The following NRG3 variants were observed in gnomAD, a reference collection of about 807,000 sequenced individuals.
NRG3 encodes the protein neuregulin 3, also known as pro-neuregulin-3, membrane-bound isoform.
NRG3 carries 31 observed loss-of-function variants against 66.9 expected under a neutral mutation model. That is an observed-to-expected ratio of 0.46 (90% CI 0.35 to 0.63). The LOEUF is 0.63. NRG3 is among the 20% of genes least tolerant of loss of function. NRG3 has a pLI of 0.00. For synonymous variants in NRG3, 393 were observed against 359.4 expected (o/e 1.09, Z -1.06); for missense variants, 910 against 878.9 (o/e 1.04, Z -0.45).
chr10:82,091,129 C>A (rs534810887), intron 1 of NRG3, among the ~76,000 whole-genome samples: 1 of 151,824 alleles, frequency 6.6e-6, no homozygotes, highest in Non-Finnish European at 1.5e-5. Context: ...TCATTGTAAC[C>A]TTTTAAAAAT....
At chr10:82,125,788 T>A (rs1247484925) in intron 1 of NRG3, among the ~76,000 whole-genome samples, 1 of 152,020 alleles carries the variant, frequency 6.6e-6, no homozygotes, top group Non-Finnish European at 1.5e-5. Flanking sequence ...GCTTATATAT[T>A]CTGAATACTG....
chr10:82,225,816 A>G (rs905250354), intron 1 of NRG3, among the ~76,000 whole-genome samples: 2 of 152,152 alleles, frequency 1.3e-5, no homozygotes, highest in African/African-American at 4.8e-5. Context: ...TTTGAGAGAA[A>G]GTTTGTATAT....
At chr10:82,285,615 A>C (rs976949680) in intron 1 of NRG3, among the ~76,000 whole-genome samples, 1 of 152,188 alleles carries the variant, frequency 6.6e-6, no homozygotes, top group African/African-American at 2.4e-5. Flanking sequence ...TTCTTGTCAC[A>C]TGAAAGTACA....
At chr10:82,511,574 G>T (rs1209553289) in intron 2 of NRG3, among the ~76,000 whole-genome samples, 1 of 152,140 alleles carries the variant, frequency 6.6e-6, no homozygotes, top group African/African-American at 2.4e-5. Context: ...GATGTGGTGG[G>T]GAAGAGTGGC....
At chr10:82,458,615 C>A (rs1247641924) in intron 2 of NRG3, among the ~76,000 whole-genome samples, 2 of 152,154 alleles carry the variant, frequency 1.3e-5, no homozygotes, top group African/African-American at 4.8e-5. Flanking sequence ...CTCTGTCTCT[C>A]AAGAAGGACA....
chr10:82,552,731 T>A (rs558529039), intron 2 of NRG3, among the ~76,000 whole-genome samples: 1 of 152,166 alleles, frequency 6.6e-6, no homozygotes, highest in African/African-American at 2.4e-5. Flanking sequence ...TTTTGTCTCC[T>A]ATAGCAAAAA....
At chr10:81,889,191 T>G (rs931465054) in intron 1 of NRG3, 8 of 152,242 alleles carry the variant, frequency 5.3e-5, no homozygotes, top group African/African-American at 1.7e-4. Flanking sequence ...TGTCTTTAGG[T>G]TTTTCAGAGG....
At chr10:82,347,748 C>T (rs1407173840) in intron 1 of NRG3, among the ~76,000 whole-genome samples, 1 of 152,178 alleles carries the variant, frequency 6.6e-6, no homozygotes, top group Non-Finnish European at 1.5e-5. Context: ...AATCTGAATG[C>T]TCCTGTATTG....
chr10:82,983,485 C>T (rs1308772802), intron 8 of NRG3, among the ~76,000 whole-genome samples: 1 of 152,006 alleles, frequency 6.6e-6, no homozygotes, highest in East Asian at 1.9e-4. Flanking sequence ...TTTCTGGTTC[C>T]CCTTAGGATA....
At chr10:81,998,962 G>A (rs917813520) in intron 1 of NRG3, among the ~76,000 whole-genome samples, 4 of 151,984 alleles carry the variant, frequency 2.6e-5, no homozygotes, top group African/African-American at 7.2e-5. Context: ...GATTACAGGC[G>A]CCCACTGATT....
intron 2 of NRG3, among the ~76,000 whole-genome samples, chr10:82,491,627 TTAAC>T (rs1469269955): frequency 6.6e-6 from 1 of 152,090 alleles, no homozygotes; most frequent in Non-Finnish European, 1.5e-5. Flanking sequence ...TCTCTGCTAT[TTAAC>T]TAGTGTCTAA....
chr10:82,656,775 C>T (rs534997831), intron 2 of NRG3, among the ~76,000 whole-genome samples: 1 of 152,066 alleles, frequency 6.6e-6, no homozygotes, highest in Non-Finnish European at 1.5e-5. Flanking sequence ...AAGACATGCC[C>T]CCTCTTATCT....
At chr10:82,623,430 A>T (rs946189609) in intron 2 of NRG3, among the ~76,000 whole-genome samples, 2 of 152,132 alleles carry the variant, frequency 1.3e-5, no homozygotes, top group Admixed American at 1.3e-4. Context: ...TCTGAATCAG[A>T]TTTGCTCTCT....
Position 82,165,223 on chromosome 10 carries a change from T to C in NRG3, c.824-193516T>C, listed in dbSNP as rs566662159. Among the ~76,000 whole-genome samples, 13 of 152,228 alleles carry C rather than the reference T, an allele frequency of 8.5e-5. No homozygotes were observed. In the East Asian group the frequency reaches 1.7e-3, roughly 20 times the overall value. On this transcript the variant is annotated intron_variant, in intron 1 of 8. Transcript: ENST00000372141. ...ATCTTGACAAATATTCAGTTTTTTT[T>C]CTAGAACAAATTTTCAATGAGAAGT...
At chr10:82,442,364 AG>A in intron 2 of NRG3, among the ~76,000 whole-genome samples, 1 of 152,318 alleles carries the variant, frequency 6.6e-6, no homozygotes, top group Non-Finnish European at 1.5e-5. Flanking sequence ...TGGAATTTGA[AG>A]GACTCATAGA....
Position 82,640,514 on chromosome 10 carries a change from A to G in NRG3, c.954-98063A>G, listed in dbSNP as rs73296019. 7.3e-4 allele frequency among the ~76,000 whole-genome samples: 111 copies of G among 152,258 alleles called. 1 individual carries two copies. Among genetic ancestry groups the G allele is most frequent in the African/African-American group, 2.5e-3 (105 of 41,554 alleles). The stretch of plus-strand genomic sequence containing the variant: ...TCATCAGGTAGTACCTGTTTTCTCC[A>G]TGGACTGGACAGGGTGCATTTATAA... On this transcript the variant is annotated intron_variant, in intron 2 of 8. Coordinates refer to ENST00000372141, the MANE Select transcript of NRG3 (RefSeq NM_001010848.4).
intron 4 of NRG3, among the ~76,000 whole-genome samples, chr10:82,935,330 G>T (rs111834961): frequency 6.6e-6 from 1 of 152,004 alleles, no homozygotes; most frequent in Admixed American, 6.6e-5. Flanking sequence ...TTTCTTTGTT[G>T]TCTTTTCCAC....
chr10:82,199,417 A>G (rs1365842241), intron 1 of NRG3, among the ~76,000 whole-genome samples: 1 of 152,046 alleles, frequency 6.6e-6, no homozygotes, highest in Non-Finnish European at 1.5e-5. Flanking sequence ...ATGTTCTGGG[A>G]GCTGAGGTAT....
intron 1 of NRG3, among the ~76,000 whole-genome samples, chr10:82,208,787 A>G (rs570320598): frequency 6.6e-6 from 1 of 152,284 alleles, no homozygotes; most frequent in African/African-American, 2.4e-5. Flanking sequence ...AAATATTACT[A>G]AAATATGGCA....
Sources: allele counts gnomAD v4.1 joint callset (sites outside exome capture counted in the v4.1 genomes callset), GRCh38; gene constraint gnomAD v4.1.1; transcripts MANE v1.5; gene names NCBI Gene and HGNC (gene_info 2026-07-23, HGNC 2026-07-21).